The following EBAG9 variants were observed in gnomAD, a reference collection of about 807,000 sequenced individuals.
The protein encoded by EBAG9 is receptor-binding cancer antigen expressed on SiSo cells.
EBAG9 carries 16 observed loss-of-function variants against 30.9 expected under a neutral mutation model. That is an observed-to-expected ratio of 0.52 (90% CI 0.35 to 0.79). EBAG9 has a LOEUF of 0.79. EBAG9 is among the 30% of genes least tolerant of loss of function. EBAG9 has a pLI of 0.01. For synonymous variants in EBAG9, 93 were observed against 82.8 expected (o/e 1.12, Z -0.67); for missense variants, 197 against 242.1 (o/e 0.81, Z 1.24).
chr8:109,543,674 T>A (rs1188177495), intron 1 of EBAG9, among the ~76,000 whole-genome samples: 1 of 152,128 alleles, frequency 6.6e-6, no homozygotes, highest in Non-Finnish European at 1.5e-5. Context: ...TGTAATATTT[T>A]ATTAGGTAAA....
intron 2 of EBAG9, among the ~76,000 whole-genome samples, chr8:109,553,638 G>A (rs1305136132): frequency 6.6e-6 from 1 of 152,100 alleles, no homozygotes; most frequent in African/African-American, 2.4e-5. Flanking sequence ...TGAGTCCTAA[G>A]CCAAAAAGCA....
intron 6 of EBAG9, chr8:109,563,562 T>C (rs770128464): frequency 1.5e-4 from 235 of 1,560,568 alleles, no homozygotes; most frequent in Non-Finnish European, 1.8e-4. Context: ...GTATGATTAG[T>C]AAATACCTAC....
chr8:109,563,676 A>T (rs1821753715), intron 6 of EBAG9: 2 of 875,424 alleles, frequency 2.3e-6, no homozygotes, highest in East Asian at 2.7e-5. Context: ...TGTCGTACAG[A>T]TATTTCATCA....
At chr8:109,562,699 C>T (rs1821734553) in intron 6 of EBAG9, among the ~76,000 whole-genome samples, 1 of 151,620 alleles carries the variant, frequency 6.6e-6, no homozygotes, top group African/African-American at 2.4e-5. Context: ...GTTTTTGATA[C>T]AGATTGGGTA....
At chr8:109,556,321 C>T (rs191994640) in intron 4 of EBAG9, among the ~76,000 whole-genome samples, 1 of 151,972 alleles carries the variant, frequency 6.6e-6, no homozygotes, top group Admixed American at 6.6e-5. Flanking sequence ...CATTTACATT[C>T]TTTGTTGTTG....
chr8:109,547,204 G>A lies in EBAG9; in HGVS notation c.-15-3606G>A, dbSNP rs143293576. 6.6e-3 allele frequency among the ~76,000 whole-genome samples: 999 copies of A among 152,136 alleles called. 8 individuals are homozygous for A. Among genetic ancestry groups the A allele is most frequent in the Admixed American group, 0.012 (180 of 15,284 alleles). On this transcript the variant is annotated intron_variant, in intron 1 of 6. Transcript: ENST00000337573. The stretch of plus-strand genomic sequence containing the variant: ...TTTCTTTATCTTGGGTAGATTACTA[G>A]GAGTAGAATGGCTGGGTCATATGGT...
chr8:109,544,739 T>C (rs1377726378), intron 1 of EBAG9, among the ~76,000 whole-genome samples: 1 of 152,220 alleles, frequency 6.6e-6, no homozygotes, highest in Admixed American at 6.5e-5. Context: ...ATTTAACATG[T>C]GGTCTGTTCT....
intron 6 of EBAG9, among the ~76,000 whole-genome samples, chr8:109,561,138 A>G (rs1474929750): frequency 1.3e-5 from 2 of 151,682 alleles, no homozygotes; most frequent in Admixed American, 6.6e-5. Flanking sequence ...TTTAAGCTCT[A>G]TAGGAACAAA....
chr8:109,562,732 C>T (rs985752122), intron 6 of EBAG9, among the ~76,000 whole-genome samples: 2 of 151,604 alleles, frequency 1.3e-5, no homozygotes, highest in Admixed American at 6.6e-5. Context: ...ATGCTTGGGA[C>T]CAGAAGTGTT....
Position 109,560,914 on chromosome 8 carries a change from CAGA to C in EBAG9, c.512_514del (p.Glu171del), listed in dbSNP as rs1473209939. 3.1e-6 allele frequency: 5 copies of C among 1,612,546 alleles called. No homozygotes were observed. The highest frequency in any genetic ancestry group is 2.2e-5 in the East Asian group (1 of 44,806). On this transcript the variant is annotated inframe_deletion, in exon 6 of 7. Transcript: ENST00000337573. ...GAAGAAGAAGATGCAGCCTGGCAAG[CAGA>C]AGAAGTTCTGAGGTATTTGAGTGGC... is the stretch of plus-strand genomic sequence containing the variant.
Position 109,564,668 on chromosome 8 carries a change from ATACAT to A in EBAG9, c.*111_*115del. On this transcript the variant is annotated 3_prime_UTR_variant, in exon 7 of 7. Transcript: ENST00000337573. The stretch of plus-strand genomic sequence containing the variant: ...TAAGAAGACATACTGCTTGATTTTA[ATACAT>A]TGATCAGGCCATCCAGGACACCACG... 30 of 1,476,996 alleles carry A rather than the reference ATACAT, an allele frequency of 2.0e-5. No individual in the cohort carries two copies. The highest frequency in any genetic ancestry group is 1.8e-4 in the Middle Eastern group (1 of 5,464). The allele number at this position is 1,476,996 out of a possible 1,614,324, so 91.5% of individuals were successfully genotyped here. A position where few individuals can be genotyped will look rare whatever the true frequency, so the allele number is the denominator to read the frequency against.
At chr8:109,543,516 T>C (rs1345057757) in intron 1 of EBAG9, among the ~76,000 whole-genome samples, 3 of 152,178 alleles carry the variant, frequency 2.0e-5, no homozygotes, top group Non-Finnish European at 2.9e-5. Context: ...AACTTTCGTA[T>C]TGAGGTATAG....
intron 5 of EBAG9, 26 bp from the exon 6 acceptor site, chr8:109,560,812 T>C: frequency 6.4e-7 from 1 of 1,553,012 alleles, no homozygotes. Context: ...TTTACTCTCT[T>C]AATTTTGTTT....
chr8:109,544,943 A>G (rs1252714971), intron 1 of EBAG9, among the ~76,000 whole-genome samples: 2 of 152,224 alleles, frequency 1.3e-5, no homozygotes, highest in Admixed American at 6.5e-5. Context: ...TATGCAGTAC[A>G]TATATAGTAT....
intron 6 of EBAG9, among the ~76,000 whole-genome samples, chr8:109,561,396 A>T (rs1821708332): frequency 6.6e-6 from 1 of 151,982 alleles, no homozygotes; most frequent in Non-Finnish European, 1.5e-5. Flanking sequence ...ATCTTAAATG[A>T]TGTCCATGAA....
Position 109,564,753 on chromosome 8 carries a change from G to T in EBAG9, c.*194G>T. 2 of 573,662 alleles carry T rather than the reference G, an allele frequency of 3.5e-6. No homozygotes were observed. The highest frequency in any genetic ancestry group is 4.9e-4 in the Middle Eastern group (1 of 2,022). 35.5% of individuals were successfully genotyped at this position (573,662 alleles called of 1,614,324 possible). ...GATTGAGACTCAAAAAAACAAAAAAGACTTGAGACAATGTTTTCTTCAACA... is the reference window on the plus strand; with the variant it reads ...GATTGAGACTCAAAAAAACAAAAAATACTTGAGACAATGTTTTCTTCAACA... On this transcript the variant is annotated 3_prime_UTR_variant, in exon 7 of 7. Transcript: ENST00000337573.
rs557475231 is a variant in EBAG9 at position 109,542,313 on chromosome 8, T to G, written c.-16+1852T>G. Among the ~76,000 whole-genome samples the G allele has an allele frequency of 3.2e-4, 48 of 152,240 alleles. 1 individual carries two copies. Among genetic ancestry groups the G allele is most frequent in the African/African-American group, 1.1e-3 (46 of 41,560 alleles). ...TGGGAAAAAAAAAACAACCTTTAAA[T>G]TTTACCTCCAGTTAGCATTGAAGTT... On this transcript the variant is annotated intron_variant, in intron 1 of 6. Transcript: ENST00000337573.
intron 6 of EBAG9, among the ~76,000 whole-genome samples, chr8:109,562,831 C>T (rs1354386384): frequency 6.6e-6 from 1 of 151,910 alleles, no homozygotes; most frequent in Non-Finnish European, 1.5e-5. Context: ...ATCTGAAATG[C>T]TCCAATGAGA....
At chr8:109,540,779 T>A (rs1261220365) in intron 1 of EBAG9, 1 of 152,252 alleles carries the variant, frequency 6.6e-6, no homozygotes, top group East Asian at 1.9e-4. Context: ...CTAACCCACT[T>A]CAGAGAGTTA....
Sources: gnomAD v4.1 joint callset for allele counts (sites outside exome capture counted in the v4.1 genomes callset) on GRCh38, gnomAD v4.1.1 for gene constraint, MANE v1.5 for transcripts, NCBI Gene and HGNC (gene_info 2026-07-23, HGNC 2026-07-21) for gene names.